Variants in TNFSF10 observed in about 807,000 individuals in gnomAD.
The protein encoded by TNFSF10 is tumor necrosis factor ligand superfamily member 10.
A neutral mutation model predicts 29.5 loss-of-function variants in TNFSF10; 13 were observed. The ratio of observed to expected loss-of-function variants is 0.44; its 90% CI spans 0.29 to 0.70. The LOEUF is 0.70. Among genes scored for constraint, TNFSF10 ranks in the 30% least tolerant of loss-of-function variants. TNFSF10 has a pLI of 0.13. For synonymous variants in TNFSF10, 111 were observed against 112.8 expected (o/e 0.98, Z 0.10); for missense variants, 345 against 330.9 (o/e 1.04, Z -0.33).
chr3:172,522,353 A>G, intron 1 of TNFSF10: 1 of 1,157,412 alleles, frequency 8.6e-7, no homozygotes, highest in Non-Finnish European at 1.3e-6. Flanking sequence ...TTTCGACAGG[A>G]AGTATCACAG....
At chr3:172,517,319 G>C in intron 1 of TNFSF10, 2 of 985,120 alleles carry the variant, frequency 2.0e-6, no homozygotes, top group Non-Finnish European at 2.4e-6. Flanking sequence ...TCCCTTCTGA[G>C]TATTTTCCAG....
At chr3:172,519,730 C>T (rs181906574) in intron 1 of TNFSF10, among the ~76,000 whole-genome samples, 17 of 152,192 alleles carry the variant, frequency 1.1e-4, no homozygotes, top group East Asian at 3.9e-4. Flanking sequence ...GAAAAATTTC[C>T]GACTGATTGG....
chr3:172,513,422 AGTG>A (rs1713304250), intron 2 of TNFSF10, among the ~76,000 whole-genome samples: 1 of 152,338 alleles, frequency 6.6e-6, no homozygotes, highest in South Asian at 2.1e-4. Context: ...TGTCATTTGC[AGTG>A]GTGGAATCAT....
intron 2 of TNFSF10, among the ~76,000 whole-genome samples, chr3:172,513,634 A>G (rs543163213): frequency 6.6e-6 from 1 of 152,212 alleles, no homozygotes; most frequent in South Asian, 2.1e-4. Flanking sequence ...AACCACCAAC[A>G]TAACAGTATT....
At chr3:172,509,167 C>T in intron 4 of TNFSF10, 50 bp downstream of exon 4, 1 of 1,485,786 alleles carries the variant, frequency 6.7e-7, no homozygotes, top group East Asian at 2.3e-5. Flanking sequence ...TTACTTGGCA[C>T]AATCCTTCCA....
At chr3:172,513,179 T>G (rs144707302) in intron 2 of TNFSF10, among the ~76,000 whole-genome samples, 32 of 152,210 alleles carry the variant, frequency 2.1e-4, no homozygotes, top group Admixed American at 2.1e-3. Flanking sequence ...AAGAGAAATG[T>G]CCTCACTATT....
At chr3:172,517,667 A>G (rs1713492164) in intron 1 of TNFSF10, 2 of 985,262 alleles carry the variant, frequency 2.0e-6, no homozygotes, top group Admixed American at 6.2e-5. Flanking sequence ...CATAATTTTG[A>G]GTATGGTTGT....
At chr3:172,522,191 C>G (rs1056444177) in intron 1 of TNFSF10, 2 of 389,782 alleles carry the variant, frequency 5.1e-6, no homozygotes, top group Admixed American at 7.4e-5. Flanking sequence ...ACACGTATCC[C>G]AGAACTTAAA....
rs1712945134 is a variant in TNFSF10 at position 172,505,583 on chromosome 3, G to A, written c.*909C>T. 6.6e-6 allele frequency: 1 copy of A among 151,976 alleles called. No individual in the cohort carries two copies. Among genetic ancestry groups the A allele is most frequent in the Admixed American group, 6.6e-5 (1 of 15,246 alleles). 9.4% of individuals were successfully genotyped at this position (151,976 alleles called of 1,614,324 possible). On this transcript the variant is annotated 3_prime_UTR_variant, in exon 5 of 5. Coordinates refer to ENST00000241261, the MANE Select transcript of TNFSF10 (RefSeq NM_003810.4). ...AGATATTATGAAAAAAAGATTAGAAGTCTTTTCCCCCATTTTTAGTAATCT... is the reference window on the plus strand; with the variant it reads ...AGATATTATGAAAAAAAGATTAGAAATCTTTTCCCCCATTTTTAGTAATCT...
At chr3:172,512,465 A>G (rs1713265186) in intron 2 of TNFSF10, among the ~76,000 whole-genome samples, 1 of 152,112 alleles carries the variant, frequency 6.6e-6, no homozygotes, top group Non-Finnish European at 1.5e-5. Flanking sequence ...CACTGTAGTT[A>G]ATGTTGCAAC....
At position 172,523,280 on chromosome 3, in the gene TNFSF10, G is replaced by C; in HGVS notation, c.105C>G (p.Tyr35Ter). The C allele has an allele frequency of 6.2e-7, 1 of 1,613,916 alleles. No homozygotes were observed. The change falls in exon 1 of 5, where the codon TAC (tyrosine) becomes TAG (stop). Residue 35 changes from tyrosine to a stop codon, truncating the protein, a stop_gained. Transcript: ENST00000241261. LOFTEE classifies it high-confidence loss of function. ...GCTTCAGCTCGTTGGTAAAGTACAC[G>C]TAAGTTACAGCCACACAGAGAGACT... ...LLQSLCVAVT[Y>*]VYFTNELKQM...
In TNFSF10 at chr3:172,523,221, C is replaced by G. The variant is rs201276495; in HGVS notation, c.132+32G>C. On this transcript the variant is annotated intron_variant, in intron 1 of 4. Coordinates refer to ENST00000241261, the MANE Select transcript of TNFSF10 (RefSeq NM_003810.4). Reference sequence around the variant, plus strand: ...AGGTAACCAGACATTTGCTAAGCGCCTCGAAGACTGAGTGCACTGCACTGC... The same window carrying G: ...AGGTAACCAGACATTTGCTAAGCGCGTCGAAGACTGAGTGCACTGCACTGC... The G allele has an allele frequency of 2.4e-4, 370 of 1,560,924 alleles. 2 individuals carry two copies. Among genetic ancestry groups the G allele is most frequent in the Middle Eastern group, 1.7e-4 (1 of 5,800 alleles).
chr3:172,516,058 C>T (rs574378371), intron 1 of TNFSF10, among the ~76,000 whole-genome samples: 12 of 152,200 alleles, frequency 7.9e-5, no homozygotes, highest in African/African-American at 2.4e-4. Context: ...GTCAGGAGAT[C>T]GAGACCATCC....
intron 3 of TNFSF10, among the ~76,000 whole-genome samples, chr3:172,510,868 T>C (rs950399763): frequency 1.3e-5 from 2 of 151,856 alleles, no homozygotes; most frequent in Admixed American, 6.6e-5. Context: ...GTTTATTGCA[T>C]TGGAAAAGAA....
intron 4 of TNFSF10, 67 bp from the exon 5 acceptor site, chr3:172,506,986 TG>T: frequency 9.8e-7 from 1 of 1,019,050 alleles, no homozygotes. Flanking sequence ...GGAGCTTTTT[TG>T]CAGCTGTGGC....
chr3:172,507,046 A>G, intron 4 of TNFSF10, 127 bp from the exon 5 acceptor site: 1 of 763,752 alleles, frequency 1.3e-6, no homozygotes, highest in Non-Finnish European at 2.0e-6. Context: ...CTAATATCAA[A>G]CTTCTTCCTC....
At chr3:172,508,235 C>G (rs997138400) in intron 4 of TNFSF10, among the ~76,000 whole-genome samples, 2 of 151,346 alleles carry the variant, frequency 1.3e-5, no homozygotes, top group African/African-American at 4.9e-5. Flanking sequence ...GCAAAGGTTG[C>G]AGTGAGCCGA....
intron 1 of TNFSF10, among the ~76,000 whole-genome samples, chr3:172,516,125 G>T (rs143093293): frequency 1.3e-5 from 2 of 152,082 alleles, no homozygotes; most frequent in African/African-American, 4.8e-5. Context: ...TTAGCTGGGC[G>T]TGGTGGCGGG....
At chr3:172,518,027 G>A (rs745990770) in intron 1 of TNFSF10, 124 of 988,022 alleles carry the variant, frequency 1.3e-4, no homozygotes, top group Non-Finnish European at 1.4e-4. Flanking sequence ...GCGGGTTGAC[G>A]TGAGGTGCTG....
Sources: allele counts gnomAD v4.1 joint callset (sites outside exome capture counted in the v4.1 genomes callset), GRCh38; gene constraint gnomAD v4.1.1; transcripts MANE v1.5; gene names NCBI Gene and HGNC (gene_info 2026-07-23, HGNC 2026-07-21).